Variants in PTPRG observed in about 807,000 individuals in gnomAD.
PTPRG encodes receptor-type tyrosine-protein phosphatase gamma.
PTPRG carries 102 observed loss-of-function variants against 165.3 expected under a neutral mutation model. The observed-to-expected ratio is 0.62, with a 90% confidence interval of 0.53 to 0.73. The LOEUF (loss-of-function observed/expected upper bound fraction) is 0.73. PTPRG is among the 30% of genes least tolerant of loss of function. The pLI is 0.00. For missense variants in PTPRG, 1,866 were observed against 1,861.4 expected (o/e 1.00, Z -0.05); for synonymous variants, 675 against 669.5 (o/e 1.01, Z -0.13).
chr3:62,243,943 C>CT (rs1559699038), intron 15 of PTPRG, 45 bp downstream of exon 15: 1 of 1,160,602 alleles, frequency 8.6e-7, no homozygotes, highest in Non-Finnish European at 1.3e-6. Context: ...AATTGTTTTT[C>CT]TCTTTTATTC....
intron 4 of PTPRG, among the ~76,000 whole-genome samples, chr3:62,075,633 GCTAC>G (rs773595447): frequency 1.3e-5 from 2 of 152,160 alleles, no homozygotes; most frequent in Non-Finnish European, 2.9e-5. Context: ...CCTGATTTGG[GCTAC>G]CTGATTGCCC....
At chr3:62,087,714 T>G (rs768975663) in intron 5 of PTPRG, among the ~76,000 whole-genome samples, 21 of 152,204 alleles carry the variant, frequency 1.4e-4, no homozygotes, top group Non-Finnish European at 2.5e-4. Flanking sequence ...AAGAACTGAA[T>G]GGGAAAAGTT....
chr3:61,582,595 G>T (rs1361880977), intron 1 of PTPRG, among the ~76,000 whole-genome samples: 1 of 152,176 alleles, frequency 6.6e-6, no homozygotes, highest in Non-Finnish European at 1.5e-5. Context: ...CATGTATTCT[G>T]TGTTTGTTGG....
At chr3:62,218,576 T>C (rs1377077890) in intron 12 of PTPRG, among the ~76,000 whole-genome samples, 1 of 152,186 alleles carries the variant, frequency 6.6e-6, no homozygotes, top group East Asian at 1.9e-4. Context: ...AATGTCTATG[T>C]CTTCTGTACA....
intron 5 of PTPRG, among the ~76,000 whole-genome samples, chr3:62,081,912 C>T (rs1012983350): frequency 1.3e-5 from 2 of 152,136 alleles, no homozygotes; most frequent in African/African-American, 4.8e-5. Flanking sequence ...AACATCTATT[C>T]GATGCCAGGA....
intron 3 of PTPRG, among the ~76,000 whole-genome samples, chr3:61,991,293 C>T (rs1364861233): frequency 6.6e-6 from 1 of 152,156 alleles, no homozygotes; most frequent in Non-Finnish European, 1.5e-5. Flanking sequence ...GCAACCTCCA[C>T]CTCCTAGGTT....
chr3:61,893,045 A>G (rs1175079361), intron 2 of PTPRG, among the ~76,000 whole-genome samples: 2 of 152,222 alleles, frequency 1.3e-5, no homozygotes, highest in Non-Finnish European at 2.9e-5. Flanking sequence ...ATGTTCTTAC[A>G]TTTAGACTGT....
intron 1 of PTPRG, among the ~76,000 whole-genome samples, chr3:61,575,708 C>T (rs952509121): frequency 6.7e-6 from 1 of 150,242 alleles, no homozygotes; most frequent in Non-Finnish European, 1.5e-5. Context: ...AAGCAGTTCT[C>T]CCTGCCTCAG....
At chr3:61,890,434 T>G (rs1408658638) in intron 2 of PTPRG, among the ~76,000 whole-genome samples, 4 of 150,820 alleles carry the variant, frequency 2.7e-5, no homozygotes, top group Non-Finnish European at 5.9e-5. Context: ...TTTTTTTTTT[T>G]TTTTAGGGTC....
intron 1 of PTPRG, among the ~76,000 whole-genome samples, chr3:61,714,130 C>T (rs1444219902): frequency 6.6e-6 from 1 of 152,108 alleles, no homozygotes; most frequent in Non-Finnish European, 1.5e-5. Flanking sequence ...TGTGAGATGT[C>T]AACTGTGCCA....
intron 4 of PTPRG, among the ~76,000 whole-genome samples, chr3:62,006,042 A>C: frequency 6.6e-6 from 1 of 152,064 alleles, no homozygotes; most frequent in East Asian, 1.9e-4. Context: ...CTTTTGATGA[A>C]TATTTCAGTT....
intron 1 of PTPRG, among the ~76,000 whole-genome samples, chr3:61,621,939 T>G (rs1410690650): frequency 6.6e-6 from 1 of 152,174 alleles, no homozygotes; most frequent in Admixed American, 6.5e-5. Flanking sequence ...TACATGCCCA[T>G]TTAATTTTGG....
intron 2 of PTPRG, among the ~76,000 whole-genome samples, chr3:61,847,284 G>T (rs966081981): frequency 3.3e-5 from 5 of 152,146 alleles, no homozygotes; most frequent in Non-Finnish European, 7.4e-5. Context: ...ATGGATCAGG[G>T]CAAGGCATCT....
intron 1 of PTPRG, among the ~76,000 whole-genome samples, chr3:61,720,399 C>T (rs958578430): frequency 3.9e-5 from 6 of 152,204 alleles, no homozygotes; most frequent in African/African-American, 1.4e-4. Context: ...GTGGGGATTA[C>T]AGGTGTGAGC....
chr3:62,110,667 A>T (rs1196282154), intron 5 of PTPRG, among the ~76,000 whole-genome samples: 2 of 152,204 alleles, frequency 1.3e-5, no homozygotes, highest in African/African-American at 4.8e-5. Flanking sequence ...GTATTGCTTC[A>T]TATTTCTAGA....
At chr3:62,020,065 T>C (rs1338710196) in intron 4 of PTPRG, among the ~76,000 whole-genome samples, 1 of 152,148 alleles carries the variant, frequency 6.6e-6, no homozygotes, top group African/African-American at 2.4e-5. Context: ...TGATCATAGA[T>C]TCTGTTGATC....
chr3:62,265,971 T>A, intron 17 of PTPRG, among the ~76,000 whole-genome samples: 1 of 145,874 alleles, frequency 6.9e-6, no homozygotes, highest in East Asian at 2.0e-4. Context: ...ATGTCAAACA[T>A]CACTTACTGC....
At chr3:61,892,771 G>C (rs768415116) in intron 2 of PTPRG, among the ~76,000 whole-genome samples, 1 of 151,488 alleles carries the variant, frequency 6.6e-6, no homozygotes, top group African/African-American at 2.4e-5. Flanking sequence ...AGCCGAGATC[G>C]TGTCATTGCG....
At chr3:61,806,378 C>G (rs977583488) in intron 2 of PTPRG, among the ~76,000 whole-genome samples, 1 of 152,164 alleles carries the variant, frequency 6.6e-6, no homozygotes, top group East Asian at 1.9e-4. Context: ...TGGAATGATT[C>G]AAAAGGTAGT....
Sources: gnomAD v4.1 joint callset for allele counts (sites outside exome capture counted in the v4.1 genomes callset) on GRCh38, gnomAD v4.1.1 for gene constraint, MANE v1.5 for transcripts, NCBI Gene and HGNC (gene_info 2026-07-23, HGNC 2026-07-21) for gene names.